OTOF: variants seen among roughly 807,000 people sequenced by gnomAD.
OTOF encodes the protein otoferlin.
In OTOF, 218 loss-of-function variants were observed where a neutral mutation model predicts 236.8. That is an observed-to-expected ratio of 0.92 (90% CI 0.82 to 1.03). The LOEUF is 1.03. Among genes scored for constraint, OTOF ranks in the 50% least tolerant of loss-of-function variants. The pLI is 0.00. For synonymous variants in OTOF, 1,041 were observed against 1,072.5 expected, an observed-to-expected ratio of 0.97 and a Z score of 0.57; for missense variants, 2,590 against 2,694.4, an observed-to-expected ratio of 0.96 and a Z score of 0.86.
intron 13 of OTOF, 35 bp from the exon 14 acceptor site, chr2:26,482,627 ATG>A (rs760678324): frequency 6.3e-6 from 10 of 1,585,956 alleles, no homozygotes; most frequent in Admixed American, 5.0e-5. Flanking sequence ...AGGGCGTGGC[ATG>A]TGTGTGTGAG....
chr2:26,554,964 A>T (rs1345086319), intron 1 of OTOF, among the ~76,000 whole-genome samples: 1 of 152,164 alleles, frequency 6.6e-6, no homozygotes, highest in Non-Finnish European at 1.5e-5. Context: ...GAGAAGGGAG[A>T]CATCAGGGTT....
chr2:26,527,919 G>T lies in OTOF; in HGVS notation c.140C>A (p.Thr47Lys), dbSNP rs1666849705. 4 of 1,613,442 alleles carry T rather than the reference G, an allele frequency of 2.5e-6. No individual in the cohort carries two copies. Among genetic ancestry groups the T allele is most frequent in the Non-Finnish European group, 2.5e-6 (3 of 1,179,382 alleles). ...NCEDVADFDE[T>K]FRWPVASSID... ...GCTGCTGGCCACCGGCCACCGAAATGTCTGGGGAGAGAGGGACAACTGCGG... is the reference window on the plus strand; with the variant it reads ...GCTGCTGGCCACCGGCCACCGAAATTTCTGGGGAGAGAGGGACAACTGCGG... The change falls in exon 3 of 47, where the codon ACA becomes AAA. Residue 47 changes from threonine (T) to lysine (K), a missense_variant and splice_region_variant. Around this residue, in one of 2 missense-constraint regions of OTOF, gnomAD observed 1,379 missense variants for 1,341.6 expected, o/e 1.03. Coordinates refer to ENST00000272371, the MANE Select transcript of OTOF (RefSeq NM_194248.3).
chr2:26,488,924 C>T (rs1290525690), intron 11 of OTOF, among the ~76,000 whole-genome samples: 1 of 152,262 alleles, frequency 6.6e-6, no homozygotes, highest in Non-Finnish European at 1.5e-5. Context: ...ACCAGCCTGC[C>T]ATGCACTCCA....
At position 26,541,597 on chromosome 2, in the gene OTOF, AG is replaced by A. The variant is rs538213875; in HGVS notation, c.80-3824del. Reference sequence around the variant, plus strand: ...GTGGTTCTGTTCTGTTCACTGGAGCAGAGGCAGGGGACCTCCATCATCTGTT... The same window carrying A: ...GTGGTTCTGTTCTGTTCACTGGAGCAAGGCAGGGGACCTCCATCATCTGTT... On this transcript the variant is annotated intron_variant, in intron 1 of 46. Transcript: ENST00000272371. Among the ~76,000 whole-genome samples the A allele has an allele frequency of 1.6e-3, 242 of 152,338 alleles. 1 individual carries two copies. Among genetic ancestry groups the A allele is most frequent in the African/African-American group, 5.0e-3 (209 of 41,582 alleles).
chr2:26,462,189 C>A lies in OTOF; in HGVS notation c.5193-8G>T, dbSNP rs979092925. On this transcript the variant is annotated splice_polypyrimidine_tract_variant and splice_region_variant and intron_variant, in intron 41 of 46. Coordinates refer to ENST00000272371, the MANE Select transcript of OTOF (RefSeq NM_194248.3). This position sits in a 1 kb window ranked among gnomAD's most constrained non-coding sequence, Gnocchi z 4.7. ...ATGACCCGCAGCTCGTACCTGGGCC[C>A]AGGGAGAGAAGGCTGGTTAGCAGCC... 1 of 1,613,572 alleles carries A rather than the reference C, an allele frequency of 6.2e-7. No homozygotes were observed. The highest frequency in any genetic ancestry group is 8.5e-7 in the Non-Finnish European group (1 of 1,179,564).
chr2:26,538,966 C>T (rs1667144854), intron 1 of OTOF, among the ~76,000 whole-genome samples: 1 of 152,082 alleles, frequency 6.6e-6, no homozygotes, highest in Non-Finnish European at 1.5e-5. Context: ...GGCGCCGCCA[C>T]CATGCCCAGC....
chr2:26,531,461 G>GT (rs1558518961), intron 2 of OTOF, among the ~76,000 whole-genome samples: 7 of 152,286 alleles, frequency 4.6e-5, no homozygotes, highest in Admixed American at 3.9e-4. Flanking sequence ...GACAGCAGTC[G>GT]TAAGTGACAC....
At chr2:26,484,316 C>T (rs1373619101) in intron 12 of OTOF, among the ~76,000 whole-genome samples, 158 bp downstream of exon 12, 2 of 152,242 alleles carry the variant, frequency 1.3e-5, no homozygotes, top group Admixed American at 1.3e-4. Context: ...ACCCCCTGCC[C>T]CTGCCCTGCC....
intron 5 of OTOF, among the ~76,000 whole-genome samples, chr2:26,511,077 G>A (rs79798264): frequency 0.016 from 2,440 of 152,356 alleles, 65 homozygotes; most frequent in African/African-American, 0.054. Flanking sequence ...CACAATGTGG[G>A]TCGCAGCTTC....
chr2:26,526,159 G>A (rs968051352), intron 3 of OTOF, among the ~76,000 whole-genome samples: 15 of 151,386 alleles, frequency 9.9e-5, no homozygotes, highest in Non-Finnish European at 2.1e-4. Context: ...GTGGATGGAA[G>A]GATGAATGGA....
chr2:26,472,349 T>G, intron 30 of OTOF, 170 bp downstream of exon 30: 1 of 787,530 alleles, frequency 1.3e-6, no homozygotes. Context: ...TCCAGGATAG[T>G]ATTAGGAGGG....
In OTOF at chr2:26,465,708, T is replaced by G. The variant is rs780059154; in HGVS notation, c.4763A>C (p.His1588Pro). ...CTGGGCGATGCCGCAGGTGGCGCGG[T>G]GCTTGCTGTAGAAGCGGTTCTCCAG... ...IDLENRFYSK[H>P]RATCGIAQTY... Residue 1588 changes from histidine to proline, a missense_variant, in exon 38 of 47, where the codon CAC becomes CCC. By Grantham distance (77) the His-to-Pro change is moderately conservative (BLOSUM62 -2). Transcript: ENST00000272371. 1 of 1,614,156 alleles carries G rather than the reference T, an allele frequency of 6.2e-7. No individual in the cohort carries two copies. The highest frequency in any genetic ancestry group is 8.5e-7 in the Non-Finnish European group (1 of 1,180,050).
At chr2:26,523,572 C>G (rs943042372) in intron 3 of OTOF, among the ~76,000 whole-genome samples, 5 of 152,172 alleles carry the variant, frequency 3.3e-5, no homozygotes, top group African/African-American at 1.2e-4. Context: ...GAGTGTCACC[C>G]TTGAGTGCCC....
intron 4 of OTOF, among the ~76,000 whole-genome samples, chr2:26,517,319 T>C (rs948281584): frequency 1.3e-5 from 2 of 152,154 alleles, no homozygotes; most frequent in African/African-American, 2.4e-5. Context: ...CTTGGTCCTG[T>C]GCCCCAGACA....
At position 26,470,583 on chromosome 2, in the gene OTOF, G is replaced by GA; in HGVS notation, c.4023+9dup. The GA allele has an allele frequency of 1.9e-6, 3 of 1,614,000 alleles. No individual in the cohort carries two copies. Among genetic ancestry groups the GA allele is most frequent in the Non-Finnish European group, 2.5e-6 (3 of 1,179,932 alleles). ...GGGGTCACCTCCCCTCACCCTACCCGAGGTCTCACCTCCTTCATGGTGTCA... is the reference window on the plus strand; with the variant it reads ...GGGGTCACCTCCCCTCACCCTACCCGAAGGTCTCACCTCCTTCATGGTGTCA... On this transcript the variant is annotated intron_variant, in intron 32 of 46. Coordinates refer to ENST00000272371, the MANE Select transcript of OTOF (RefSeq NM_194248.3). The surrounding 1 kb of genome is among the most constrained non-coding windows in gnomAD (Gnocchi z 4.3).
chr2:26,476,400 C>A (rs1313222506), intron 22 of OTOF, 83 bp from the exon 23 acceptor site: 1 of 1,361,364 alleles, frequency 7.3e-7, no homozygotes, highest in Admixed American at 1.8e-5. Flanking sequence ...CGGCAGAGGC[C>A]CTGGTCAGAG....
In OTOF at chr2:26,475,398, C is replaced by T. The variant is rs746829542; in HGVS notation, c.3087G>A (p.Pro1029=). Reference sequence around the variant, plus strand: ...CATAGATTTCAATGACAATGATGGGCGGATCGTCCCTCAGCTCATGAGCTT... The same window carrying T: ...CATAGATTTCAATGACAATGATGGGTGGATCGTCCCTCAGCTCATGAGCTT... ...YGEAHELRDD[P]PIIVIEIYDQ... Residue 1029 remains proline, a synonymous_variant, in exon 25 of 47, where the codon CCG becomes CCA. Coordinates refer to ENST00000272371, the MANE Select transcript of OTOF (RefSeq NM_194248.3). The T allele has an allele frequency of 1.3e-5, 21 of 1,612,990 alleles. No homozygotes were observed. The East Asian group carries it at 2.0e-4, about 15-fold the overall frequency.
In OTOF at chr2:26,470,730, T is replaced by A; in HGVS notation, c.3895-9A>T. 1 of 1,612,378 alleles carries A rather than the reference T, an allele frequency of 6.2e-7. No homozygotes were observed. Among genetic ancestry groups the A allele is most frequent in the Non-Finnish European group, 8.5e-7 (1 of 1,179,890 alleles). On this transcript the variant is annotated splice_polypyrimidine_tract_variant and intron_variant, in intron 31 of 46. Coordinates refer to ENST00000272371, the MANE Select transcript of OTOF (RefSeq NM_194248.3). The surrounding 1 kb of genome is among the most constrained non-coding windows in gnomAD (Gnocchi z 4.3). The stretch of plus-strand genomic sequence containing the variant: ...TCCTTCTCCTCCTCAGCCTGCAGGT[T>A]GGCCAGGTCCAGAGTCCTACATGGA...
chr2:26,556,990 C>T (rs1667600986), intron 1 of OTOF, among the ~76,000 whole-genome samples: 1 of 152,208 alleles, frequency 6.6e-6, no homozygotes, highest in South Asian at 2.1e-4. Context: ...GCAGAGAAAG[C>T]AGTCAGTGGG....
Sources: allele counts gnomAD v4.1 joint callset (sites outside exome capture counted in the v4.1 genomes callset), GRCh38; gene constraint gnomAD v4.1.1; regional missense constraint gnomAD v4.1.1; non-coding constraint Gnocchi (gnomAD v3.1); transcripts MANE v1.5; gene names NCBI Gene and HGNC (gene_info 2026-07-23, HGNC 2026-07-21).